FAM163A: variants seen among roughly 807,000 people sequenced by gnomAD.
FAM163A encodes the protein family with sequence similarity 163 member A, also known as protein FAM163A.
Under a neutral mutation model 12.0 loss-of-function variants are expected in FAM163A, and 7 were observed. The ratio of observed to expected loss-of-function variants is 0.58; its 90% CI spans 0.33 to 1.10. FAM163A has a LOEUF of 1.10. FAM163A is among the 50% of genes least tolerant of loss of function. FAM163A has a pLI of 0.03. For missense variants in FAM163A, 202 were observed against 218.6 expected, an observed-to-expected ratio of 0.92 and a Z score of 0.48; for synonymous variants, 101 against 91.0, an observed-to-expected ratio of 1.11 and a Z score of -0.62.
chr1:179,812,085 CTCTGTCCTTTCTGTTGTCTTG>C lies in FAM163A; in HGVS notation c.-44-24_-44-4del, dbSNP rs1694777872. The C allele has an allele frequency of 2.0e-5, 3 of 152,658 alleles. No homozygotes were observed. Among genetic ancestry groups the C allele is most frequent in the African/African-American group, 7.2e-5 (3 of 41,456 alleles). 9.5% of individuals were successfully genotyped at this position (152,658 alleles called of 1,614,324 possible). A position where few individuals can be genotyped will look rare whatever the true frequency, so the allele number is the denominator to read the frequency against. On this transcript the variant is annotated splice_region_variant and splice_polypyrimidine_tract_variant and intron_variant, in intron 2 of 4. Transcript: ENST00000341785. ...GTGAGTAACTCTCTTCTTCCAACAT[CTCTGTCCTTTCTGTTGTCTTG>C]CAGGTCGCCGTTCCCTTTACTGAAT...
intron 1 of FAM163A, among the ~76,000 whole-genome samples, chr1:179,777,183 C>T (rs1689098547): frequency 6.6e-6 from 1 of 152,072 alleles, no homozygotes; most frequent in South Asian, 2.1e-4. Context: ...ATGCAGGTAC[C>T]TGTATTTGTT....
chr1:179,730,765 T>G, the FAM163A span, among the ~76,000 whole-genome samples: 1 of 152,212 alleles, frequency 6.6e-6, no homozygotes, highest in Non-Finnish European at 1.5e-5. Context: ...AAGGTTCTTT[T>G]TGTGAAAAAA....
At chr1:179,794,782 T>C (rs535869473) in intron 1 of FAM163A, among the ~76,000 whole-genome samples, 83 of 152,222 alleles carry the variant, frequency 5.5e-4, no homozygotes, top group African/African-American at 1.6e-3. Flanking sequence ...CAGACAGATA[T>C]TACATGGGAG....
intron 1 of FAM163A, among the ~76,000 whole-genome samples, chr1:179,779,010 C>G (rs1002344024): frequency 3.9e-5 from 6 of 152,000 alleles, no homozygotes; most frequent in South Asian, 4.1e-4. Context: ...GCTGGAGGAG[C>G]CTTCAAAAGG....
chr1:179,731,121 A>G, the FAM163A span, among the ~76,000 whole-genome samples: 1 of 152,198 alleles, frequency 6.6e-6, no homozygotes, highest in Non-Finnish European at 1.5e-5. Flanking sequence ...AACCTGATAC[A>G]TTTTTTGAAA....
At chr1:179,755,007 G>A (rs901486913) in intron 1 of FAM163A, among the ~76,000 whole-genome samples, 2 of 151,970 alleles carry the variant, frequency 1.3e-5, no homozygotes, top group Non-Finnish European at 2.9e-5. Flanking sequence ...TGTGGTGGCA[G>A]ACACCTGTAA....
chr1:179,793,495 C>T (rs572145859), intron 1 of FAM163A, among the ~76,000 whole-genome samples: 6 of 152,136 alleles, frequency 3.9e-5, no homozygotes, highest in African/African-American at 7.2e-5. Flanking sequence ...ATGAGAAAAG[C>T]GTACGTGCTC....
At chr1:179,784,331 C>G (rs1000653344) in intron 1 of FAM163A, among the ~76,000 whole-genome samples, 1 of 152,190 alleles carries the variant, frequency 6.6e-6, no homozygotes, top group Non-Finnish European at 1.5e-5. Flanking sequence ...TGCAAAGCCA[C>G]GCTGTGTAAG....
chr1:179,802,111 A>G (rs1418165746), intron 1 of FAM163A, among the ~76,000 whole-genome samples: 3 of 152,236 alleles, frequency 2.0e-5, no homozygotes, highest in East Asian at 1.9e-4. Context: ...TATTCTTCAG[A>G]TCATAGCACA....
intron 1 of FAM163A, among the ~76,000 whole-genome samples, chr1:179,800,653 G>A (rs1005891393): frequency 6.6e-6 from 1 of 152,188 alleles, no homozygotes; most frequent in East Asian, 1.9e-4. Context: ...AGGGGACTCT[G>A]CCTCTCATCT....
intron 1 of FAM163A, among the ~76,000 whole-genome samples, chr1:179,782,495 A>G (rs565666687): frequency 6.7e-6 from 1 of 148,634 alleles, no homozygotes; most frequent in Admixed American, 6.7e-5. Context: ...CGGGATGGAG[A>G]CTCCTCTGGT....
the FAM163A span, among the ~76,000 whole-genome samples, chr1:179,727,850 G>T: frequency 6.6e-6 from 1 of 152,222 alleles, no homozygotes; most frequent in South Asian, 2.1e-4. Flanking sequence ...AACACAGTGA[G>T]TGGTGTCAAA....
At chr1:179,782,328 C>T (rs1437089158) in intron 1 of FAM163A, among the ~76,000 whole-genome samples, 2 of 151,650 alleles carry the variant, frequency 1.3e-5, no homozygotes, top group Non-Finnish European at 2.9e-5. Flanking sequence ...GGGGATGAGA[C>T]GGACACTAAT....
At position 179,813,898 on chromosome 1, in the gene FAM163A, C is replaced by T. The variant is rs772964787; in HGVS notation, c.213C>T (p.Asp71=). 4 of 1,613,788 alleles carry T rather than the reference C, an allele frequency of 2.5e-6. No homozygotes were observed. The highest frequency in any genetic ancestry group is 1.1e-5 in the South Asian group (1 of 91,080). ...ATGCCTGCAGCTCCCAAGCCCTGGA[C>T]GGCAGAGGCAGCCTGGCGCCTCTCA... ...TCNACSSQAL[D]GRGSLAPLTS... The change falls in exon 5 of 5, where the codon GAC becomes GAT. Residue 71 remains aspartate (D), a synonymous_variant. Coordinates refer to ENST00000341785, the MANE Select transcript of FAM163A (RefSeq NM_173509.3).
intron 1 of FAM163A, among the ~76,000 whole-genome samples, chr1:179,789,799 A>G (rs935515686): frequency 2.0e-5 from 3 of 151,212 alleles, no homozygotes; most frequent in Admixed American, 6.6e-5. Flanking sequence ...TTACACAACT[A>G]AAAAAAATGG....
intron 1 of FAM163A, among the ~76,000 whole-genome samples, chr1:179,773,942 AG>A (rs1164744888): frequency 6.6e-6 from 1 of 152,254 alleles, no homozygotes; most frequent in Admixed American, 6.5e-5. Flanking sequence ...TGAAAGGGGC[AG>A]TGAGCAAAGA....
intron 1 of FAM163A, among the ~76,000 whole-genome samples, chr1:179,801,837 C>T (rs3843269): frequency 0.024 from 3,675 of 152,188 alleles, 83 homozygotes; most frequent in African/African-American, 0.068. Context: ...GGCAGGCGGC[C>T]GGAGTGGAGC....
At chr1:179,752,219 T>C (rs557852857) in intron 1 of FAM163A, among the ~76,000 whole-genome samples, 2 of 152,250 alleles carry the variant, frequency 1.3e-5, no homozygotes, top group South Asian at 2.1e-4. Context: ...CTTCAACAAA[T>C]AGTGTTAGCA....
chr1:179,734,721 T>G, the FAM163A span, among the ~76,000 whole-genome samples: 1 of 152,290 alleles, frequency 6.6e-6, no homozygotes, highest in South Asian at 2.1e-4. Flanking sequence ...AATTTCAACA[T>G]AGAATTTAGG....
Sources: gnomAD v4.1 joint callset for allele counts (sites outside exome capture counted in the v4.1 genomes callset) on GRCh38, gnomAD v4.1.1 for gene constraint, MANE v1.5 for transcripts, NCBI Gene and HGNC (gene_info 2026-07-23, HGNC 2026-07-21) for gene names.